The following CFAP206 variants were observed in gnomAD, a reference collection of about 807,000 sequenced individuals.
CFAP206 encodes the protein cilia and flagella associated protein 206, also known as cilia- and flagella-associated protein 206.
CFAP206 carries 53 observed loss-of-function variants against 65.4 expected under a neutral mutation model. That is an observed-to-expected ratio of 0.81 (90% CI 0.65 to 1.02). The LOEUF (loss-of-function observed/expected upper bound fraction) is 1.02. CFAP206 is among the 50% of genes least tolerant of loss of function. The probability of loss-of-function intolerance (pLI) is 0.00; values close to 1 mark genes in which losing one functional copy is unlikely to be tolerated. For synonymous variants in CFAP206, 250 were observed against 254.4 expected (o/e 0.98, Z 0.17); for missense variants, 663 against 753.2 (o/e 0.88, Z 1.40).
chr6:87,414,012 A>G lies in CFAP206; in HGVS notation c.283+112A>G, dbSNP rs1767783178. 3 of 495,956 alleles carry G rather than the reference A, an allele frequency of 6.0e-6. No individual in the cohort carries two copies. In the Admixed American group the frequency reaches 1.3e-4, roughly 21 times the overall value. 30.7% of individuals were successfully genotyped at this position (495,956 alleles called of 1,614,324 possible). ...AATTGTTTAATCAATTTAACAATTT[A>G]ATTTTTGGCAATCAACTTTGAGGAA... On this transcript the variant is annotated intron_variant, in intron 4 of 12. Transcript: ENST00000369562.
At chr6:87,447,970 C>T (rs374781234) in intron 11 of CFAP206, among the ~76,000 whole-genome samples, 569 of 41,246 alleles carry the variant, frequency 0.014, 2 homozygotes, top group African/African-American at 0.049. Context: ...ATTATTATTA[C>T]TATACTTTAA....
intron 8 of CFAP206, among the ~76,000 whole-genome samples, chr6:87,427,574 T>C (rs1768065344): frequency 6.6e-6 from 1 of 152,200 alleles, no homozygotes; most frequent in Admixed American, 6.5e-5. Flanking sequence ...TTTTTTCATT[T>C]GTTCTATAAG....
At position 87,422,754 on chromosome 6, in the gene CFAP206, A is replaced by AC. The variant is rs1313466616; in HGVS notation, c.841-3772_841-3771insC. On this transcript the variant is annotated intron_variant, in intron 7 of 12. Transcript: ENST00000369562. Reference sequence around the variant, plus strand: ...CCACAGAGTGAGACTCTGTCTCAAAAAAAAAAAAACAAAACAAACAAAAAA... The same window carrying AC: ...CCACAGAGTGAGACTCTGTCTCAAAACAAAAAAAAACAAAACAAACAAAAAA... Among the ~76,000 whole-genome samples, 164 of 138,812 alleles carry AC rather than the reference A, an allele frequency of 1.2e-3. 1 individual carries two copies. The highest frequency in any genetic ancestry group is 4.1e-3 in the African/African-American group (149 of 36,614). The allele number at this position is 138,812 out of a possible 152,430, so 91.1% of individuals were successfully genotyped here.
At position 87,434,927 on chromosome 6, in the gene CFAP206, A is replaced by G. The variant is rs1003497441; in HGVS notation, c.1368A>G (p.Ala456=). 3 of 1,551,414 alleles carry G rather than the reference A, an allele frequency of 1.9e-6. No individual in the cohort carries two copies. The highest frequency in any genetic ancestry group is 2.7e-6 in the Non-Finnish European group (3 of 1,128,846). The part of the protein sequence containing the change: ...KYYTFNSKDA[A]YSFAENPEHY... Reference sequence around the variant, plus strand: ...ACACATTCAATAGTAAAGATGCTGCATATTCATTTGCAGAAAATCCTGAAC... The same window carrying G: ...ACACATTCAATAGTAAAGATGCTGCGTATTCATTTGCAGAAAATCCTGAAC... The change falls in exon 11 of 13, where the codon GCA becomes GCG. Residue 456 remains alanine (A), a synonymous_variant. Transcript: ENST00000369562.
chr6:87,447,526 C>T (rs961283563), intron 11 of CFAP206, among the ~76,000 whole-genome samples: 3 of 152,058 alleles, frequency 2.0e-5, no homozygotes, highest in Admixed American at 6.6e-5. Flanking sequence ...GGGATGAAGC[C>T]GACTTGATCA....
chr6:87,461,187 A>C, intron 12 of CFAP206, 22 bp downstream of exon 12: 1 of 1,469,160 alleles, frequency 6.8e-7, no homozygotes, highest in Non-Finnish European at 9.1e-7. Flanking sequence ...TACTTTCTAG[A>C]ATTATTTATA....
chr6:87,423,063 C>T (rs1381511554), intron 7 of CFAP206, among the ~76,000 whole-genome samples: 1 of 151,794 alleles, frequency 6.6e-6, no homozygotes, highest in African/African-American at 2.4e-5. Context: ...ACTACAGACA[C>T]GCGCCACCAC....
chr6:87,431,190 G>C lies in CFAP206; in HGVS notation c.1300+17G>C. The C allele has an allele frequency of 6.2e-7, 1 of 1,606,510 alleles. No individual in the cohort carries two copies. Among genetic ancestry groups the C allele is most frequent in the Non-Finnish European group, 8.5e-7 (1 of 1,175,804 alleles). On this transcript the variant is annotated intron_variant, in intron 10 of 12. Transcript: ENST00000369562. ...TCCTTCCAGGTATATCATTGGAAAT[G>C]AGACTGCTCTCCTTTCCCCGATTTT...
At chr6:87,448,281 A>G (rs77096795) in intron 11 of CFAP206, among the ~76,000 whole-genome samples, 165 of 152,274 alleles carry the variant, frequency 1.1e-3, no homozygotes, top group Middle Eastern at 3.4e-3. Flanking sequence ...TGGCCTCCCA[A>G]TTAGCTGGGA....
intron 11 of CFAP206, among the ~76,000 whole-genome samples, chr6:87,436,481 G>C (rs563416849): frequency 6.6e-6 from 1 of 152,282 alleles, no homozygotes; most frequent in East Asian, 1.9e-4. Flanking sequence ...GTAGTGAGAG[G>C]ACTGTTGGGC....
Position 87,438,294 on chromosome 6 carries a change from C to G in CFAP206, c.1494+3241C>G, listed in dbSNP as rs530824114. On this transcript the variant is annotated intron_variant, in intron 11 of 12. Transcript: ENST00000369562. ...TGGCCAACATGGTGAAAATCTGTCT[C>G]TACTAAAAATACAAAAATTAGCTGG... is the stretch of plus-strand genomic sequence containing the variant. Among the ~76,000 whole-genome samples, 4 of 151,972 alleles carry G rather than the reference C, an allele frequency of 2.6e-5. No homozygotes were observed. In the East Asian group the frequency reaches 7.8e-4, roughly 30 times the overall value.
rs369303324 is a variant in CFAP206 at position 87,416,657 on chromosome 6, G to A, written c.473-12G>A. 3 of 1,462,140 alleles carry A rather than the reference G, an allele frequency of 2.1e-6. No homozygotes were observed. Among genetic ancestry groups the A allele is most frequent in the Non-Finnish European group, 2.7e-6 (3 of 1,102,812 alleles). 90.6% of individuals were successfully genotyped at this position (1,462,140 alleles called of 1,614,324 possible). ...TTTTGTTTTCCTTTTTTTTTTTTCTGGTTTATTTTAGCTGCTCTACAGAGT... is the reference window on the plus strand; with the variant it reads ...TTTTGTTTTCCTTTTTTTTTTTTCTAGTTTATTTTAGCTGCTCTACAGAGT... On this transcript the variant is annotated splice_polypyrimidine_tract_variant and intron_variant, in intron 5 of 12. Coordinates refer to ENST00000369562, the MANE Select transcript of CFAP206 (RefSeq NM_001031743.3).
intron 10 of CFAP206, 112 bp from the exon 11 acceptor site, chr6:87,434,748 T>TG (rs1219100637): frequency 5.1e-6 from 3 of 587,088 alleles, no homozygotes; most frequent in Non-Finnish European, 8.7e-6. Context: ...TCTGCCTGCT[T>TG]TGGCCTCCCA....
intron 3 of CFAP206, among the ~76,000 whole-genome samples, chr6:87,413,011 A>G (rs1283202229): frequency 6.6e-6 from 1 of 152,004 alleles, no homozygotes; most frequent in Non-Finnish European, 1.5e-5. Flanking sequence ...GCACAAATAA[A>G]TAGTAATGAG....
At chr6:87,444,562 C>A in intron 11 of CFAP206, 2 of 310,674 alleles carry the variant, frequency 6.4e-6, no homozygotes, top group South Asian at 7.4e-5. Flanking sequence ...CTAAGAATGT[C>A]ATTGAGTTCA....
At chr6:87,434,474 CAG>C (rs1329096970) in intron 10 of CFAP206, among the ~76,000 whole-genome samples, 11 of 148,512 alleles carry the variant, frequency 7.4e-5, no homozygotes, top group Admixed American at 1.3e-4. Context: ...GTTACAAACA[CAG>C]AGTAACAATA....
rs34673243 is a variant in CFAP206 at position 87,426,606 on chromosome 6, C to T, written c.921C>T (p.Thr307=). ...CCCATCTGGAACAACTAAAAATGAC[C>T]ATAAAATCAAAGATAGCGGTCCCAA... ...LGAHLEQLKM[T]IKSKIAVPTS... The change falls in exon 8 of 13, where the codon ACC becomes ACT. Residue 307 remains threonine, a synonymous_variant. Coordinates refer to ENST00000369562, the MANE Select transcript of CFAP206 (RefSeq NM_001031743.3). The T allele has an allele frequency of 0.025, 39,175 of 1,594,598 alleles. 1,202 individuals are homozygous for T. The highest frequency in any genetic ancestry group is 0.16 in the East Asian group (7,161 of 43,892).
chr6:87,438,908 C>T (rs992158990), intron 11 of CFAP206, among the ~76,000 whole-genome samples: 1 of 152,150 alleles, frequency 6.6e-6, no homozygotes, highest in Non-Finnish European at 1.5e-5. Flanking sequence ...GTATTAACAA[C>T]TTTCATATGA....
At chr6:87,447,146 A>G (rs904521878) in intron 11 of CFAP206, among the ~76,000 whole-genome samples, 13 of 152,084 alleles carry the variant, frequency 8.5e-5, no homozygotes, top group African/African-American at 3.1e-4. Flanking sequence ...GGAAACAGAC[A>G]GTTTTACTTC....
Sources: gnomAD v4.1 joint callset for allele counts (sites outside exome capture counted in the v4.1 genomes callset) on GRCh38, gnomAD v4.1.1 for gene constraint, MANE v1.5 for transcripts, NCBI Gene and HGNC (gene_info 2026-07-23, HGNC 2026-07-21) for gene names.